RNF180: variants seen among roughly 807,000 people sequenced by gnomAD.
RNF180 encodes the protein E3 ubiquitin-protein ligase RNF180.
Under a neutral mutation model 59.2 loss-of-function variants are expected in RNF180, and 38 were observed. That is an observed-to-expected ratio of 0.64 (90% confidence interval 0.50 to 0.84). The LOEUF (loss-of-function observed/expected upper bound fraction) is 0.84. Ranked by LOEUF, RNF180 falls within the 40% of genes least tolerant of loss-of-function variation. The pLI is 0.00. For missense variants in RNF180, 705 were observed against 700.9 expected (o/e 1.01, Z -0.07); for synonymous variants, 262 against 240.3 (o/e 1.09, Z -0.84).
chr5:64,341,621 G>T (rs115333719), intron 7 of RNF180, among the ~76,000 whole-genome samples: 1 of 152,112 alleles, frequency 6.6e-6, no homozygotes, highest in Non-Finnish European at 1.5e-5. Flanking sequence ...GTGAGATGAT[G>T]GAAAACCTAC....
At chr5:64,293,877 TTAAAG>T (rs1372226356) in intron 5 of RNF180, among the ~76,000 whole-genome samples, 1 of 152,220 alleles carries the variant, frequency 6.6e-6, no homozygotes, top group African/African-American at 2.4e-5. Flanking sequence ...ATTTTGAAAG[TTAAAG>T]TAGAATATTG....
intron 5 of RNF180, among the ~76,000 whole-genome samples, chr5:64,284,370 C>G (rs1377016327): frequency 2.0e-5 from 3 of 152,062 alleles, no homozygotes; most frequent in African/African-American, 7.2e-5. Flanking sequence ...TGCAGAGATT[C>G]CCTGCATTTT....
At chr5:64,183,832 C>G (rs1363890197) in intron 1 of RNF180, among the ~76,000 whole-genome samples, 1 of 152,184 alleles carries the variant, frequency 6.6e-6, no homozygotes, top group African/African-American at 2.4e-5. Flanking sequence ...TCCTGAAACT[C>G]AGACTGTGTT....
intron 1 of RNF180, among the ~76,000 whole-genome samples, chr5:64,181,492 A>C (rs769417241): frequency 6.6e-6 from 1 of 152,240 alleles, no homozygotes; most frequent in Non-Finnish European, 1.5e-5. Flanking sequence ...AAAAACAGGT[A>C]GGCAATAAAG....
At chr5:64,177,559 A>ATG (rs1750316454) in intron 1 of RNF180, among the ~76,000 whole-genome samples, 1 of 105,706 alleles carries the variant, frequency 9.5e-6, no homozygotes, top group East Asian at 2.4e-4. Flanking sequence ...ATATATATAT[A>ATG]TATATATGTA....
intron 5 of RNF180, among the ~76,000 whole-genome samples, chr5:64,287,977 G>A (rs949444095): frequency 2.0e-5 from 3 of 151,894 alleles, no homozygotes; most frequent in Non-Finnish European, 2.9e-5. Context: ...ATCTTTACCC[G>A]TGCCTATGTC....
intron 5 of RNF180, among the ~76,000 whole-genome samples, chr5:64,280,285 G>A (rs1741941767): frequency 1.3e-5 from 2 of 151,820 alleles, no homozygotes. Flanking sequence ...TCTATTGATT[G>A]TTTTTTTGGC....
At chr5:64,295,674 G>A (rs1419800188) in intron 5 of RNF180, among the ~76,000 whole-genome samples, 1 of 152,068 alleles carries the variant, frequency 6.6e-6, no homozygotes, top group Non-Finnish European at 1.5e-5. Context: ...TCTATTTCTT[G>A]GGGAACCCCA....
chr5:64,341,417 G>A (rs1745349022), intron 7 of RNF180, among the ~76,000 whole-genome samples: 1 of 152,084 alleles, frequency 6.6e-6, no homozygotes, highest in Non-Finnish European at 1.5e-5. Flanking sequence ...AACTCAAACT[G>A]GACTGTTGAT....
intron 1 of RNF180, among the ~76,000 whole-genome samples, chr5:64,170,502 G>A (rs1337184762): frequency 1.3e-5 from 2 of 152,132 alleles, no homozygotes; most frequent in Non-Finnish European, 2.9e-5. Context: ...ATTTGGGTTT[G>A]GCAGGACAGA....
rs181376522 is a variant in RNF180, at chr5:64,236,958, A to G, written c.1227+19562A>G. Among the ~76,000 whole-genome samples, 759 of 152,306 alleles carry G rather than the reference A, an allele frequency of 5.0e-3. 6 individuals carry two copies. Among genetic ancestry groups the G allele is most frequent in the African/African-American group, 0.017 (714 of 41,562 alleles). ...ATGGAAATGCCTGGATGTCCAGGCA[A>G]AAGTCTGCTGCAGGAACATAGCCCC... On this transcript the variant is annotated intron_variant, in intron 5 of 7. Coordinates refer to ENST00000389100, the MANE Select transcript of RNF180 (RefSeq NM_001113561.2).
chr5:64,242,662 A>G (rs1407234392), intron 5 of RNF180, among the ~76,000 whole-genome samples: 1 of 152,218 alleles, frequency 6.6e-6, no homozygotes, highest in Non-Finnish European at 1.5e-5. Context: ...AAGAAAGCTT[A>G]TCTAAAGAAA....
chr5:64,166,689 C>T (rs1450575554), intron 1 of RNF180, among the ~76,000 whole-genome samples: 2 of 152,166 alleles, frequency 1.3e-5, no homozygotes, highest in African/African-American at 4.8e-5. Context: ...CATTAGTTAA[C>T]TTCAAAGGAG....
chr5:64,249,974 A>G (rs987875604), intron 5 of RNF180, among the ~76,000 whole-genome samples: 1 of 152,202 alleles, frequency 6.6e-6, no homozygotes, highest in Non-Finnish European at 1.5e-5. Flanking sequence ...CTTAACAGGC[A>G]TATAGGAAAC....
At chr5:64,348,116 A>G (rs1745626558) in intron 7 of RNF180, among the ~76,000 whole-genome samples, 1 of 152,118 alleles carries the variant, frequency 6.6e-6, no homozygotes, top group African/African-American at 2.4e-5. Context: ...AAGGTTATAT[A>G]TAAATAATAG....
chr5:64,351,945 T>G (rs1343929787), intron 7 of RNF180, among the ~76,000 whole-genome samples: 1 of 152,156 alleles, frequency 6.6e-6, no homozygotes, highest in African/African-American at 2.4e-5. Flanking sequence ...TCCCTCTTTT[T>G]CTATTGATTG....
chr5:64,190,005 TCA>T (rs146965290), intron 1 of RNF180, among the ~76,000 whole-genome samples: 1 of 152,258 alleles, frequency 6.6e-6, no homozygotes, highest in East Asian at 1.9e-4. Flanking sequence ...GCACACAGAC[TCA>T]CAGGGCTAAG....
chr5:64,324,313 C>T (rs753401601), intron 5 of RNF180, among the ~76,000 whole-genome samples: 4 of 152,210 alleles, frequency 2.6e-5, no homozygotes, highest in Admixed American at 6.5e-5. Context: ...CACTCACACA[C>T]ACCAACACTC....
intron 7 of RNF180, among the ~76,000 whole-genome samples, chr5:64,345,303 T>G (rs1434715516): frequency 6.6e-6 from 1 of 152,190 alleles, no homozygotes; most frequent in East Asian, 1.9e-4. Context: ...AGCAGAAGTG[T>G]CCGTATATGG....
Sources: gnomAD v4.1 joint callset for allele counts (sites outside exome capture counted in the v4.1 genomes callset) on GRCh38, gnomAD v4.1.1 for gene constraint, MANE v1.5 for transcripts, NCBI Gene and HGNC (gene_info 2026-07-23, HGNC 2026-07-21) for gene names.